Variants in PAM observed in about 807,000 individuals in gnomAD.
PAM encodes peptidylglycine alpha-amidating monooxygenase.
PAM carries 72 observed loss-of-function variants against 122.1 expected under a neutral mutation model. That is an observed-to-expected ratio of 0.59 (90% CI 0.49 to 0.72). The LOEUF (loss-of-function observed/expected upper bound fraction) is 0.72, where lower values mean the gene tolerates loss of function less well. Among genes scored for constraint, PAM ranks in the 30% least tolerant of loss-of-function variants. The probability of loss-of-function intolerance (pLI) is 0.00; values close to 1 mark genes in which losing one functional copy is unlikely to be tolerated. For missense variants in PAM, 1,106 were observed against 1,183.7 expected, an observed-to-expected ratio of 0.93 and a Z score of 0.96; for synonymous variants, 389 against 404.4, an observed-to-expected ratio of 0.96 and a Z score of 0.46.
intron 4 of PAM, among the ~76,000 whole-genome samples, chr5:102,906,611 C>G (rs562783390): frequency 4.8e-4 from 73 of 151,846 alleles, no homozygotes; most frequent in African/African-American, 1.5e-3. Context: ...CTTCACTTCT[C>G]TTTCCTGAAG....
At chr5:102,940,832 T>C (rs1443563652) in intron 7 of PAM, among the ~76,000 whole-genome samples, 1 of 152,142 alleles carries the variant, frequency 6.6e-6, no homozygotes, top group African/African-American at 2.4e-5. Context: ...TTTTGGGTGC[T>C]GGTTACATGG....
rs78753846 is a variant in PAM at position 102,946,885 on chromosome 5, C to T, written c.575C>T (p.Pro192Leu). 0.011 allele frequency: 17,181 copies of T among 1,593,086 alleles called. 117 individuals are homozygous for T. The highest frequency in any genetic ancestry group is 0.014 in the Non-Finnish European group (15,980 of 1,161,810). The change falls in exon 8 of 26, where the codon CCA becomes CTA. Residue 192 changes from proline to leucine, a missense_variant and splice_region_variant. By Grantham distance (98) the Pro-to-Leu change is moderately conservative (BLOSUM62 -3). Transcript: ENST00000438793. Reference sequence around the variant, plus strand: ...GTGTCCTTACACCTCACACGTCTGCCGTAAGTACTTCCATTTTTCCTAGAG... The same window carrying T: ...GTGTCCTTACACCTCACACGTCTGCTGTAAGTACTTCCATTTTTCCTAGAG... The part of the protein sequence containing the change: ...SGVSLHLTRL[P>L]QPLIAGMYLM...
intron 1 of PAM, among the ~76,000 whole-genome samples, chr5:102,818,386 T>C (rs984990231): frequency 8.6e-5 from 13 of 151,854 alleles, no homozygotes; most frequent in African/African-American, 3.1e-4. Flanking sequence ...TGGCCTCTAG[T>C]CTTATAAAAA....
chr5:102,938,232 C>T (rs1421803872), intron 7 of PAM, among the ~76,000 whole-genome samples: 1 of 152,132 alleles, frequency 6.6e-6, no homozygotes, highest in African/African-American at 2.4e-5. Context: ...TGCATTTCAA[C>T]TTTGTTAATC....
intron 12 of PAM, among the ~76,000 whole-genome samples, chr5:102,951,882 A>G (rs1342576494): frequency 1.3e-5 from 2 of 152,086 alleles, no homozygotes; most frequent in Admixed American, 6.6e-5. Flanking sequence ...CAGGAAAGCA[A>G]TATTATTATT....
intron 14 of PAM, among the ~76,000 whole-genome samples, chr5:102,965,163 A>ACACACC (rs1763694427): frequency 2.7e-5 from 1 of 37,412 alleles, no homozygotes; most frequent in Non-Finnish European, 5.5e-5. Flanking sequence ...TCCAAAGCAG[A>ACACACC]CACACACACA....
chr5:102,901,583 C>T (rs1024357069), intron 4 of PAM, among the ~76,000 whole-genome samples, 170 bp downstream of exon 4: 1 of 151,442 alleles, frequency 6.6e-6, no homozygotes, highest in African/African-American at 2.4e-5. Flanking sequence ...CACTGAGAGG[C>T]AAGATTATAA....
intron 5 of PAM, among the ~76,000 whole-genome samples, chr5:102,914,911 A>C (rs554635194): frequency 6.6e-6 from 1 of 152,140 alleles, no homozygotes; most frequent in Non-Finnish European, 1.5e-5. Flanking sequence ...ATAAACAATC[A>C]GTAAACCTCT....
intron 23 of PAM, among the ~76,000 whole-genome samples, chr5:103,022,018 G>T (rs1582998735): frequency 6.6e-6 from 1 of 151,914 alleles, no homozygotes; most frequent in East Asian, 1.9e-4. Context: ...AAAAACTGAT[G>T]AAAAGGATTA....
At position 102,894,963 on chromosome 5, in the gene PAM, C is replaced by T. The variant is rs79643145; in HGVS notation, c.211-6393C>T. Among the ~76,000 whole-genome samples, 329 of 151,510 alleles carry T rather than the reference C, an allele frequency of 2.2e-3. 2 individuals carry two copies. The highest frequency in any genetic ancestry group is 7.8e-3 in the African/African-American group (321 of 41,328). ...AGTTACATGGCATCTTCACTAACCT[C>T]ATCTGGTTAATTTCCATGTCATTTT... On this transcript the variant is annotated intron_variant, in intron 3 of 25. Transcript: ENST00000438793.
chr5:102,938,347 C>G lies in PAM; in HGVS notation c.527-8490C>G, dbSNP rs541519114. The stretch of plus-strand genomic sequence containing the variant: ...TGGCCATTATGTATCAGGAATTACA[C>G]TTTCATTCATAGGGTTATGAGAAGA... On this transcript the variant is annotated intron_variant, in intron 7 of 25. Coordinates refer to ENST00000438793, the MANE Select transcript of PAM (RefSeq NM_001177306.2). Among the ~76,000 whole-genome samples, 9 of 152,234 alleles carry G rather than the reference C, an allele frequency of 5.9e-5. No individual in the cohort carries two copies. The South Asian group carries it at 1.0e-3, about 18-fold the overall frequency.
At chr5:102,905,148 T>C (rs1462028465) in intron 4 of PAM, among the ~76,000 whole-genome samples, 2 of 151,682 alleles carry the variant, frequency 1.3e-5, no homozygotes, top group Admixed American at 1.3e-4. Context: ...GGTGAAAGTA[T>C]AATAATATCT....
In PAM at chr5:102,840,538, T is replaced by G. The variant is rs571510293; in HGVS notation, c.-373-25285T>G. Among the ~76,000 whole-genome samples the G allele has an allele frequency of 7.2e-5, 11 of 152,296 alleles. No individual in the cohort carries two copies. The East Asian group carries it at 2.1e-3, about 29-fold the overall frequency. On this transcript the variant is annotated intron_variant, in intron 1 of 25. Transcript: ENST00000438793. Reference sequence around the variant, plus strand: ...TAGTAGTAGTAGTAAAATATATAATTTGGGATTGAGTTTAGCTGCATAGAA... The same window carrying G: ...TAGTAGTAGTAGTAAAATATATAATGTGGGATTGAGTTTAGCTGCATAGAA...
chr5:102,787,424 A>G (rs1760823793), intron 1 of PAM, among the ~76,000 whole-genome samples: 1 of 151,946 alleles, frequency 6.6e-6, no homozygotes, highest in Admixed American at 6.6e-5. Flanking sequence ...AACTATGGGG[A>G]CAGATCTGTC....
chr5:102,811,017 C>A (rs1767755320), intron 1 of PAM, among the ~76,000 whole-genome samples: 1 of 152,192 alleles, frequency 6.6e-6, no homozygotes, highest in Non-Finnish European at 1.5e-5. Context: ...CTGATTGGAA[C>A]TGGTGCCCAC....
chr5:103,003,439 T>C (rs773054443), intron 17 of PAM, among the ~76,000 whole-genome samples: 6 of 152,184 alleles, frequency 3.9e-5, no homozygotes, highest in Non-Finnish European at 8.8e-5. Flanking sequence ...AATTGCTAAA[T>C]GAGTATATTT....
At chr5:102,859,435 A>G (rs193083522) in intron 1 of PAM, among the ~76,000 whole-genome samples, 76 of 152,230 alleles carry the variant, frequency 5.0e-4, no homozygotes, top group African/African-American at 1.8e-3. Flanking sequence ...AAGCTTATAG[A>G]ATAAAGATAT....
At chr5:102,820,073 T>C (rs1302064094) in intron 1 of PAM, among the ~76,000 whole-genome samples, 1 of 152,124 alleles carries the variant, frequency 6.6e-6, no homozygotes, top group Non-Finnish European at 1.5e-5. Flanking sequence ...GAAATATTTA[T>C]TAATAATTGT....
chr5:102,810,954 C>T (rs1343968249), intron 1 of PAM, among the ~76,000 whole-genome samples: 2 of 152,156 alleles, frequency 1.3e-5, no homozygotes, highest in Non-Finnish European at 2.9e-5. Flanking sequence ...TTGTGAGGGA[C>T]TGGTTAAGTG....
Sources: gnomAD v4.1 joint callset for allele counts (sites outside exome capture counted in the v4.1 genomes callset) on GRCh38, gnomAD v4.1.1 for gene constraint, MANE v1.5 for transcripts, NCBI Gene and HGNC (gene_info 2026-07-23, HGNC 2026-07-21) for gene names.